ERBB4: variants seen among roughly 807,000 people sequenced by gnomAD.
ERBB4 encodes receptor tyrosine-protein kinase erbB-4.
A neutral mutation model predicts 158.0 loss-of-function variants in ERBB4; 42 were observed. The observed-to-expected ratio is 0.27, with a 90% confidence interval of 0.21 to 0.34. The LOEUF (loss-of-function observed/expected upper bound fraction) is 0.34, where lower values mean the gene tolerates loss of function less well. ERBB4 is among the 10% of genes least tolerant of loss of function. ERBB4 has a pLI of 1.00. For synonymous variants in ERBB4, 583 were observed against 558.7 expected, an observed-to-expected ratio of 1.04 and a Z score of -0.61; for missense variants, 1,333 against 1,624.1, an observed-to-expected ratio of 0.82 and a Z score of 3.08.
At chr2:211,471,862 A>G (rs2064835183) in intron 20 of ERBB4, among the ~76,000 whole-genome samples, 1 of 152,070 alleles carries the variant, frequency 6.6e-6, no homozygotes, top group South Asian at 2.1e-4. Context: ...ACAAAAGATA[A>G]TTCTGGCAGT....
intron 5 of ERBB4, among the ~76,000 whole-genome samples, chr2:211,730,131 C>T (rs930044663): frequency 1.3e-5 from 2 of 151,884 alleles, no homozygotes; most frequent in African/African-American, 4.8e-5. Flanking sequence ...TTAATCTTAT[C>T]AGTATCTCAC....
chr2:212,324,147 G>A (rs532009125), intron 1 of ERBB4, among the ~76,000 whole-genome samples: 2 of 150,810 alleles, frequency 1.3e-5, no homozygotes, highest in East Asian at 2.0e-4. Context: ...TTCGGCAGCC[G>A]TCTTATGACC....
chr2:211,911,191 G>A (rs769740610), intron 3 of ERBB4, among the ~76,000 whole-genome samples: 3 of 152,164 alleles, frequency 2.0e-5, no homozygotes, highest in Admixed American at 6.6e-5. Context: ...TTAATTTGAA[G>A]AGCCCGACAG....
chr2:211,648,453 T>G (rs544173930), intron 16 of ERBB4, among the ~76,000 whole-genome samples: 1 of 151,902 alleles, frequency 6.6e-6, no homozygotes, highest in Non-Finnish European at 1.5e-5. Context: ...TACGTTAACT[T>G]TTCTCTCTAT....
At chr2:212,168,013 C>A (rs1380223273) in intron 1 of ERBB4, among the ~76,000 whole-genome samples, 3 of 151,348 alleles carry the variant, frequency 2.0e-5, no homozygotes, top group African/African-American at 7.3e-5. Context: ...CACACGTATA[C>A]CTATGTAACA....
chr2:211,883,089 C>T (rs920463127), intron 3 of ERBB4, among the ~76,000 whole-genome samples: 9 of 152,136 alleles, frequency 5.9e-5, no homozygotes, highest in Admixed American at 6.6e-5. Flanking sequence ...AAATGTGGCA[C>T]ATATATACCA....
chr2:212,418,009 T>C (rs186094987), intron 1 of ERBB4, among the ~76,000 whole-genome samples: 178 of 152,062 alleles, frequency 1.2e-3, no homozygotes, highest in Non-Finnish European at 2.2e-3. Flanking sequence ...AGAGCTTCCC[T>C]GTAAGGATAC....
chr2:212,409,003 T>G (rs1181244484), intron 1 of ERBB4, among the ~76,000 whole-genome samples: 3 of 152,222 alleles, frequency 2.0e-5, no homozygotes, highest in Non-Finnish European at 4.4e-5. Flanking sequence ...TCTTGGCTAA[T>G]TCTCTTTACA....
At chr2:211,918,207 T>G (rs761655979) in intron 3 of ERBB4, among the ~76,000 whole-genome samples, 2 of 152,214 alleles carry the variant, frequency 1.3e-5, no homozygotes, top group Non-Finnish European at 2.9e-5. Context: ...TAGTAGTTCC[T>G]GTAAAAGTTC....
At chr2:211,398,482 G>C (rs1181927578) in intron 25 of ERBB4, among the ~76,000 whole-genome samples, 1 of 152,028 alleles carries the variant, frequency 6.6e-6, no homozygotes, top group East Asian at 1.9e-4. Context: ...CCTTCTAGCT[G>C]TTCTCCTTGA....
At chr2:211,640,891 C>T (rs959260724) in intron 16 of ERBB4, among the ~76,000 whole-genome samples, 1 of 152,202 alleles carries the variant, frequency 6.6e-6, no homozygotes, top group Admixed American at 6.5e-5. Context: ...AGTGACTAGA[C>T]TCCCATGCCT....
intron 1 of ERBB4, among the ~76,000 whole-genome samples, chr2:212,246,091 G>A (rs939693765): frequency 2.6e-5 from 4 of 152,072 alleles, no homozygotes; most frequent in Non-Finnish European, 2.9e-5. Context: ...CTGTCTCCAA[G>A]AGCTCTGTAA....
rs538624169 is a variant in ERBB4 at position 211,866,741 on chromosome 2, A to C, written c.422-78582T>G. ...TATTATCTAAGCTTGTCTTCCTATA[A>C]AAATCCTCAATTGTTTTTCAATAAA... On this transcript the variant is annotated intron_variant, in intron 3 of 27. Coordinates refer to ENST00000342788, the MANE Select transcript of ERBB4 (RefSeq NM_005235.3). Among the ~76,000 whole-genome samples, 4 of 152,304 alleles carry C rather than the reference A, an allele frequency of 2.6e-5. No individual in the cohort carries two copies. In the East Asian group the frequency reaches 7.7e-4, roughly 29 times the overall value.
intron 20 of ERBB4, among the ~76,000 whole-genome samples, chr2:211,534,979 AG>A (rs1263505625): frequency 2.6e-5 from 4 of 152,052 alleles, no homozygotes; most frequent in Non-Finnish European, 5.9e-5. Context: ...TACCATCACC[AG>A]GGAAATTTAT....
chr2:211,909,060 A>C (rs1416785921), intron 3 of ERBB4, among the ~76,000 whole-genome samples: 2 of 151,724 alleles, frequency 1.3e-5, no homozygotes. Flanking sequence ...AATTATTAGA[A>C]TATTATAAAC....
intron 3 of ERBB4, among the ~76,000 whole-genome samples, chr2:211,835,805 T>C (rs1200211431): frequency 6.6e-6 from 1 of 152,018 alleles, no homozygotes; most frequent in African/African-American, 2.4e-5. Context: ...TAAATGAGAA[T>C]ACAAGCAAAT....
intron 1 of ERBB4, among the ~76,000 whole-genome samples, chr2:212,154,520 A>C (rs2080973998): frequency 6.6e-6 from 1 of 152,108 alleles, no homozygotes; most frequent in Admixed American, 6.6e-5. Context: ...TTAAAAACTG[A>C]CATGTTAAAA....
intron 1 of ERBB4, among the ~76,000 whole-genome samples, chr2:212,216,967 C>T (rs543135287): frequency 6.6e-6 from 1 of 151,368 alleles, no homozygotes; most frequent in Non-Finnish European, 1.5e-5. Context: ...CATTTTTAAA[C>T]ATTCCTTGCA....
chr2:212,383,263 A>G (rs527439329), intron 1 of ERBB4, among the ~76,000 whole-genome samples: 1 of 151,388 alleles, frequency 6.6e-6, no homozygotes, highest in African/African-American at 2.4e-5. Flanking sequence ...ACCTACCTAC[A>G]CCCTACAATT....
Sources: gnomAD v4.1 joint callset for allele counts (sites outside exome capture counted in the v4.1 genomes callset) on GRCh38, gnomAD v4.1.1 for gene constraint, MANE v1.5 for transcripts, NCBI Gene and HGNC (gene_info 2026-07-23, HGNC 2026-07-21) for gene names.